CC2D2A: variants seen among roughly 807,000 people sequenced by gnomAD.
CC2D2A encodes the protein coiled-coil and C2 domain-containing protein 2A.
A neutral mutation model predicts 212.9 loss-of-function variants in CC2D2A; 155 were observed. The ratio of observed to expected loss-of-function variants is 0.73; its 90% CI spans 0.64 to 0.83. The LOEUF is 0.83. Ranked by LOEUF, CC2D2A falls within the 40% of genes least tolerant of loss-of-function variation. CC2D2A has a pLI of 0.00. For missense variants in CC2D2A, 1,856 were observed against 1,956.2 expected (o/e 0.95, Z 0.97); for synonymous variants, 667 against 686.5 (o/e 0.97, Z 0.44).
At chr4:15,533,484 C>T (rs1009859868) in intron 14 of CC2D2A, 151 bp downstream of exon 14, 17 of 501,754 alleles carry the variant, frequency 3.4e-5, no homozygotes, top group Non-Finnish European at 5.5e-5. Flanking sequence ...ACCTGAGCAG[C>T]CCCTCCCAAA....
chr4:15,552,720 C>T (rs1018133973), intron 18 of CC2D2A, among the ~76,000 whole-genome samples: 1 of 152,178 alleles, frequency 6.6e-6, no homozygotes, highest in East Asian at 1.9e-4. Flanking sequence ...AGTTTTGCTT[C>T]TTTAGCGCTA....
chr4:15,516,111 G>T, intron 10 of CC2D2A, 107 bp downstream of exon 10: 6 of 1,169,978 alleles, frequency 5.1e-6, no homozygotes, highest in East Asian at 2.8e-5. Context: ...TTCCTCTTGA[G>T]GTTATCCACA....
chr4:15,563,117 G>T (rs564557155), intron 23 of CC2D2A, among the ~76,000 whole-genome samples: 1 of 152,352 alleles, frequency 6.6e-6, no homozygotes, highest in East Asian at 1.9e-4. Context: ...GGAAATGTAA[G>T]GGCCAGAGCA....
intron 34 of CC2D2A, among the ~76,000 whole-genome samples, chr4:15,597,058 C>G (rs954196661): frequency 6.6e-6 from 1 of 152,068 alleles, no homozygotes; most frequent in African/African-American, 2.4e-5. Flanking sequence ...AAATCATAAA[C>G]ACATTGTGTT....
At chr4:15,541,063 G>C in intron 17 of CC2D2A, 49 bp downstream of exon 17, 1 of 1,436,792 alleles carries the variant, frequency 7.0e-7, no homozygotes, top group East Asian at 2.5e-5. Context: ...GCTCATGCCT[G>C]TACTTTGGGA....
intron 11 of CC2D2A, among the ~76,000 whole-genome samples, chr4:15,518,908 C>T (rs759642514): frequency 6.6e-6 from 1 of 152,188 alleles, no homozygotes; most frequent in Non-Finnish European, 1.5e-5. Flanking sequence ...GCCTTCAGGC[C>T]TGTGATGGGA....
At chr4:15,496,631 A>G (rs1023067377) in intron 4 of CC2D2A, among the ~76,000 whole-genome samples, 2 of 152,174 alleles carry the variant, frequency 1.3e-5, no homozygotes, top group African/African-American at 4.8e-5. Flanking sequence ...CAGTAATCCC[A>G]TTACTGGGTA....
chr4:15,587,955 C>A, intron 32 of CC2D2A, 26 bp downstream of exon 32: 1 of 1,289,680 alleles, frequency 7.8e-7, no homozygotes, highest in Non-Finnish European at 1.1e-6. Flanking sequence ...CTGCCTTTAA[C>A]AGAGGAGTAT....
chr4:15,563,414 GA>G lies in CC2D2A; in HGVS notation c.3078del (p.Gly1027ValfsTer5). On this transcript the variant is annotated frameshift_variant, in exon 24 of 37. Coordinates refer to ENST00000424120, the MANE Select transcript of CC2D2A (RefSeq NM_001378615.1). LOFTEE classifies it high-confidence loss of function. ...AEQKRPLRPRRKGRKKVTAQN... is the reference protein window; with the variant it reads ...AEQKRPLRPRXKGRKKVTAQN... The stretch of plus-strand genomic sequence containing the variant: ...CAAAAGCGACCACTGCGGCCAAGGA[GA>G]AAAGGTCGGAAGAAGGTGACAGCCC... 1 of 1,609,390 alleles carries G rather than the reference GA, an allele frequency of 6.2e-7. No homozygotes were observed.
At chr4:15,474,658 GATT>G (rs1714056109) in intron 1 of CC2D2A, among the ~76,000 whole-genome samples, 1 of 152,292 alleles carries the variant, frequency 6.6e-6, no homozygotes, top group African/African-American at 2.4e-5. Context: ...TCTGTGATGT[GATT>G]ATTAAGCTTT....
At chr4:15,571,714 G>C (rs1197901614) in intron 28 of CC2D2A, among the ~76,000 whole-genome samples, 2 of 152,086 alleles carry the variant, frequency 1.3e-5, no homozygotes, top group Non-Finnish European at 2.9e-5. Flanking sequence ...ATTAGCTACA[G>C]GTTATGCAGT....
intron 17 of CC2D2A, among the ~76,000 whole-genome samples, chr4:15,550,158 C>T (rs770161914): frequency 5.9e-5 from 9 of 152,122 alleles, no homozygotes; most frequent in African/African-American, 1.4e-4. Flanking sequence ...TATTCTTAAA[C>T]GATGGTTGCC....
chr4:15,492,679 T>C, intron 4 of CC2D2A: 2 of 629,742 alleles, frequency 3.2e-6, no homozygotes, highest in Admixed American at 4.3e-5. Context: ...TGAGGGTCTC[T>C]CTCTTCCTTT....
chr4:15,532,248 T>G (rs975951242), intron 13 of CC2D2A, among the ~76,000 whole-genome samples: 1 of 152,206 alleles, frequency 6.6e-6, no homozygotes, highest in African/African-American at 2.4e-5. Context: ...CTTGACTACC[T>G]AACCACTATC....
intron 22 of CC2D2A, 144 bp downstream of exon 22, chr4:15,559,401 T>C (rs1719452363): frequency 1.7e-6 from 1 of 592,508 alleles, no homozygotes; most frequent in Non-Finnish European, 3.0e-6. Flanking sequence ...CACAAATATA[T>C]AATTGATTGA....
intron 1 of CC2D2A, among the ~76,000 whole-genome samples, chr4:15,470,690 TATATATATATATATATATATA>T (rs1713732551): frequency 3.5e-5 from 1 of 28,634 alleles, no homozygotes; most frequent in East Asian, 9.7e-4. Flanking sequence ...TCTCTCTCTC[TATATATATATATATATATATA>T]TATATATATA....
At chr4:15,577,423 T>A (rs751785894) in intron 29 of CC2D2A, among the ~76,000 whole-genome samples, 2 of 152,188 alleles carry the variant, frequency 1.3e-5, no homozygotes, top group Non-Finnish European at 2.9e-5. Context: ...ATTTGTCAGC[T>A]CCACCTTAAT....
chr4:15,492,134 C>T (rs1455472555), intron 4 of CC2D2A, among the ~76,000 whole-genome samples: 1 of 152,212 alleles, frequency 6.6e-6, no homozygotes, highest in Non-Finnish European at 1.5e-5. Flanking sequence ...GTCATCCCCA[C>T]CCCATTAAAT....
intron 36 of CC2D2A, among the ~76,000 whole-genome samples, chr4:15,600,022 G>T (rs1451139866): frequency 6.6e-6 from 1 of 152,164 alleles, no homozygotes; most frequent in Non-Finnish European, 1.5e-5. Flanking sequence ...CTCTAGAGCA[G>T]TTTTTTTAAG....
Sources: gnomAD v4.1 joint callset for allele counts (sites outside exome capture counted in the v4.1 genomes callset) on GRCh38, gnomAD v4.1.1 for gene constraint, MANE v1.5 for transcripts, NCBI Gene and HGNC (gene_info 2026-07-23, HGNC 2026-07-21) for gene names.